Variants in CLTCL1 observed in about 807,000 individuals in gnomAD.
The protein encoded by CLTCL1 is clathrin heavy chain like 1.
Under a neutral mutation model 190.0 loss-of-function variants are expected in CLTCL1, and 159 were observed. The ratio of observed to expected loss-of-function variants is 0.84; its 90% CI spans 0.74 to 0.95. The LOEUF is 0.95. Ranked by LOEUF, CLTCL1 falls within the 40% of genes least tolerant of loss-of-function variation. The pLI is 0.00. For missense variants in CLTCL1, 1,878 were observed against 2,033.4 expected (o/e 0.92, Z 1.47); for synonymous variants, 752 against 769.6 (o/e 0.98, Z 0.38).
chr22:19,269,157 C>T (rs1018196221), intron 2 of CLTCL1, among the ~76,000 whole-genome samples: 6 of 150,678 alleles, frequency 4.0e-5, no homozygotes, highest in African/African-American at 1.5e-4. Flanking sequence ...AATCCCAGCA[C>T]TTTGGGAGGC....
intron 18 of CLTCL1, among the ~76,000 whole-genome samples, chr22:19,218,489 A>G (rs2085462371): frequency 1.3e-5 from 2 of 152,212 alleles, no homozygotes; most frequent in African/African-American, 4.8e-5. Context: ...GTGGACAGAA[A>G]ACGAGAGGAT....
At position 19,201,224 on chromosome 22, in the gene CLTCL1, C is replaced by G. The variant is rs372523162; in HGVS notation, c.3765+105G>C. Reference sequence around the variant, plus strand: ...GAATCCCAAGGGTTCAGACCCCTGCCTGGGCAAGAGACCGGCACCCAGAAG... The same window carrying G: ...GAATCCCAAGGGTTCAGACCCCTGCGTGGGCAAGAGACCGGCACCCAGAAG... On this transcript the variant is annotated intron_variant, in intron 23 of 32. Coordinates refer to ENST00000427926, the MANE Select transcript of CLTCL1 (RefSeq NM_007098.4). The G allele has an allele frequency of 5.1e-6, 7 of 1,362,236 alleles. No individual in the cohort carries two copies. In the African/African-American group the frequency reaches 5.8e-5, roughly 11 times the overall value. 84.4% of individuals were successfully genotyped at this position (1,362,236 alleles called of 1,614,324 possible).
chr22:19,183,868 C>T, intron 29 of CLTCL1: 1 of 518,688 alleles, frequency 1.9e-6, no homozygotes, highest in Non-Finnish European at 3.5e-6. Flanking sequence ...GGAACTCTAG[C>T]CCCGAGGGCA....
intron 2 of CLTCL1, among the ~76,000 whole-genome samples, chr22:19,275,401 C>T (rs1418704197): frequency 3.9e-5 from 6 of 151,946 alleles, no homozygotes; most frequent in Admixed American, 2.6e-4. Context: ...TTCTTCCTCT[C>T]GGTGTGTCTG....
At chr22:19,226,892 C>A (rs2085763754) in intron 11 of CLTCL1, among the ~76,000 whole-genome samples, 1 of 152,086 alleles carries the variant, frequency 6.6e-6, no homozygotes, top group Non-Finnish European at 1.5e-5. Flanking sequence ...CGCACACCAA[C>A]ATGCCTGGCT....
At chr22:19,245,125 G>C (rs2086375540) in intron 3 of CLTCL1, among the ~76,000 whole-genome samples, 1 of 150,256 alleles carries the variant, frequency 6.7e-6, no homozygotes, top group Non-Finnish European at 1.5e-5. Flanking sequence ...ACAGGCATCT[G>C]TATTTGCAAA....
chr22:19,221,827 T>C (rs533331126), intron 16 of CLTCL1, 124 bp downstream of exon 16: 66 of 1,135,630 alleles, frequency 5.8e-5, no homozygotes, highest in Non-Finnish European at 8.0e-5. Context: ...AAGTAACTCA[T>C]TGCTACATCT....
rs552290811 is a variant in CLTCL1, at chr22:19,267,223, A to G, written c.250+8400T>C. On this transcript the variant is annotated intron_variant, in intron 2 of 32. Coordinates refer to ENST00000427926, the MANE Select transcript of CLTCL1 (RefSeq NM_007098.4). Reference sequence around the variant, plus strand: ...AACTAAGAAAATAAGTCTGTATATAATAACATAAAAAAAGAATAAAATACT... The same window carrying G: ...AACTAAGAAAATAAGTCTGTATATAGTAACATAAAAAAAGAATAAAATACT... Among the ~76,000 whole-genome samples, 4 of 152,298 alleles carry G rather than the reference A, an allele frequency of 2.6e-5. No individual in the cohort carries two copies. In the South Asian group the frequency reaches 8.3e-4, roughly 32 times the overall value.
Position 19,221,388 on chromosome 22 carries a change from C to G in CLTCL1, c.2785G>C (p.Glu929Gln). 6.4e-7 allele frequency: 1 copy of G among 1,551,326 alleles called. No individual in the cohort carries two copies. The highest frequency in any genetic ancestry group is 8.7e-7 in the Non-Finnish European group (1 of 1,146,692). Residue 929 changes from glutamate to glutamine, a missense_variant, in exon 17 of 33, where the codon GAG becomes CAG. Coordinates refer to ENST00000427926, the MANE Select transcript of CLTCL1 (RefSeq NM_007098.4). ...CATCTGCTACCCACCTTGATGAGCTCAAGGTCACACTGCCCCCGCTCATAG... is the reference window on the plus strand; with the variant it reads ...CATCTGCTACCCACCTTGATGAGCTGAAGGTCACACTGCCCCCGCTCATAG... ...VAYERGQCDL[E>Q]LIKVCNENSL...
intron 2 of CLTCL1, among the ~76,000 whole-genome samples, chr22:19,263,171 C>T (rs2087007840): frequency 6.6e-6 from 1 of 151,724 alleles, no homozygotes. Context: ...GGCTGACATG[C>T]AGTCATCAGA....
At chr22:19,245,184 TCC>T (rs1374651298) in intron 3 of CLTCL1, among the ~76,000 whole-genome samples, 2 of 136,096 alleles carry the variant, frequency 1.5e-5, no homozygotes, top group South Asian at 2.3e-4. Flanking sequence ...CCTCTCCCCC[TCC>T]TTTTTTTTTT....
At chr22:19,188,393 C>T (rs2084383428) in intron 27 of CLTCL1, among the ~76,000 whole-genome samples, 1 of 152,124 alleles carries the variant, frequency 6.6e-6, no homozygotes, top group Admixed American at 6.5e-5. Context: ...TTCATGTTTA[C>T]ACTATGTTGT....
chr22:19,209,061 T>A lies in CLTCL1; in HGVS notation c.3303A>T (p.Arg1101Ser), dbSNP rs782490203. Residue 1101 changes from arginine (R) to serine (S), a missense_variant, in exon 21 of 33, where the codon AGA (arginine) becomes AGT (serine). Transcript: ENST00000427926. ...GACTCCACACAGCAGGCTCATTGCA[T>A]CTCTCCGCAAACTCATATGCCCGGT... is the stretch of plus-strand genomic sequence containing the variant. ...NLDRAYEFAERCNEPAVWSQL... is the reference protein window; with the variant it reads ...NLDRAYEFAESCNEPAVWSQL... 25 of 1,609,984 alleles carry A rather than the reference T, an allele frequency of 1.6e-5. No homozygotes were observed. In the African/African-American group the frequency reaches 2.8e-4, roughly 18 times the overall value.
chr22:19,183,877 C>T, intron 29 of CLTCL1: 2 of 502,370 alleles, frequency 4.0e-6, no homozygotes, highest in Non-Finnish European at 7.3e-6. Context: ...GCCCCGAGGG[C>T]AGAGGGCGTG....
intron 1 of CLTCL1, among the ~76,000 whole-genome samples, chr22:19,286,736 C>G (rs1479730575): frequency 2.0e-5 from 3 of 152,118 alleles, no homozygotes. Flanking sequence ...GGCTGTTTCA[C>G]CTGGGCTGTG....
intron 11 of CLTCL1, 95 bp from the exon 12 acceptor site, chr22:19,226,478 G>T: frequency 7.0e-7 from 1 of 1,427,780 alleles, no homozygotes. Context: ...GGTATAGCCT[G>T]GCAACCAGAA....
chr22:19,193,009 G>A (rs1289152612), intron 26 of CLTCL1, among the ~76,000 whole-genome samples: 1 of 152,226 alleles, frequency 6.6e-6, no homozygotes, highest in Admixed American at 6.5e-5. Context: ...TGGGGCTGAA[G>A]AGAAGGGTAG....
In CLTCL1 at chr22:19,239,347, T is replaced by C. The variant is rs782702823; in HGVS notation, c.723A>G (p.Gln241=). The part of the protein sequence containing the change: ...IEVGQPAAGN[Q]PFVKKAVDVF... ...CATCTACTGCTTTCTTTACAAAAGG[T>C]TGGTTTCCCGCTGCAGGCTGTCCAA... is the stretch of plus-strand genomic sequence containing the variant. Residue 241 remains glutamine (Q), a synonymous_variant, in exon 5 of 33, where the codon CAA becomes CAG. Transcript: ENST00000427926. 6.2e-6 allele frequency: 10 copies of C among 1,614,040 alleles called. No homozygotes were observed. The highest frequency in any genetic ancestry group is 5.0e-5 in the Admixed American group (3 of 60,018).
In CLTCL1 at chr22:19,275,663, ACT is replaced by A. The variant is rs2087475918; in HGVS notation, c.208_209del (p.Ser70CysfsTer8). On this transcript the variant is annotated frameshift_variant, in exon 2 of 33. Coordinates refer to ENST00000427926, the MANE Select transcript of CLTCL1 (RefSeq NM_007098.4). LOFTEE classifies it high-confidence loss of function. ...APIRRPISAE[S>X]AIMNPASKVI... ...CCTTAGAGGCTGGATTCATGATGGC[ACT>A]CTCTGCAGAGATAGGCCGTCGGATC... 12 of 1,606,664 alleles carry A rather than the reference ACT, an allele frequency of 7.5e-6. No homozygotes were observed. Among genetic ancestry groups the A allele is most frequent in the Non-Finnish European group, 1.0e-5 (12 of 1,176,654 alleles).
Sources: allele counts gnomAD v4.1 joint callset (sites outside exome capture counted in the v4.1 genomes callset), GRCh38; gene constraint gnomAD v4.1.1; transcripts MANE v1.5; gene names NCBI Gene and HGNC (gene_info 2026-07-23, HGNC 2026-07-21).